The following KCNK1 variants were observed in gnomAD, a reference collection of about 807,000 sequenced individuals.
The protein encoded by KCNK1 is potassium two pore domain channel subfamily K member 1.
In KCNK1, 10 loss-of-function variants were observed where a neutral mutation model predicts 22.2. The observed-to-expected ratio is 0.45, with a 90% CI of 0.28 to 0.76. KCNK1 has a LOEUF of 0.76. KCNK1 is among the 30% of genes least tolerant of loss of function. KCNK1 has a pLI of 0.14. For synonymous variants in KCNK1, 200 were observed against 186.4 expected, an observed-to-expected ratio of 1.07 and a Z score of -0.60; for missense variants, 378 against 421.0, an observed-to-expected ratio of 0.90 and a Z score of 0.89.
At chr1:233,653,716 A>G (rs1353256292) in intron 1 of KCNK1, among the ~76,000 whole-genome samples, 1 of 152,066 alleles carries the variant, frequency 6.6e-6, no homozygotes, top group African/African-American at 2.4e-5. Flanking sequence ...CTTGGGCAGA[A>G]TGGTACCACC....
chr1:233,650,045 A>G (rs1382206627), intron 1 of KCNK1: 4 of 533,304 alleles, frequency 7.5e-6, no homozygotes, highest in Admixed American at 5.8e-5. Context: ...CTGAGAGTAC[A>G]CCAGGTGATG....
Position 233,666,716 on chromosome 1 carries a change from C to T in KCNK1, c.477C>T (p.His159=), listed in dbSNP as rs143943031. 13 of 1,613,980 alleles carry T rather than the reference C, an allele frequency of 8.1e-6. No homozygotes were observed. Among genetic ancestry groups the T allele is most frequent in the African/African-American group, 2.7e-5 (2 of 74,896 alleles). ...LTAVVQRITV[H]VTRRPVLYFH... ...CTGTGGTCCAGCGCATCACCGTGCA[C>T]GTCACCCGCAGGCCGGTCCTCTACT... Residue 159 remains histidine (H), a synonymous_variant, in exon 2 of 3, where the codon CAC becomes CAT. Coordinates refer to ENST00000366621, the MANE Select transcript of KCNK1 (RefSeq NM_002245.4).
intron 1 of KCNK1, among the ~76,000 whole-genome samples, chr1:233,622,032 T>C (rs545729674): frequency 1.3e-5 from 2 of 152,368 alleles, no homozygotes; most frequent in East Asian, 3.9e-4. Flanking sequence ...TCTCTTCTTT[T>C]ATGACATAAC....
At position 233,631,213 on chromosome 1, in the gene KCNK1, G is replaced by T. The variant is rs879098033; in HGVS notation, c.355+16687G>T. 3.7e-4 allele frequency: 191 copies of T among 515,734 alleles called. 2 individuals are homozygous for T. Among genetic ancestry groups the T allele is most frequent in the South Asian group, 2.7e-3 (183 of 68,296 alleles). The allele number at this position is 515,734 out of a possible 1,614,324, so 31.9% of individuals were successfully genotyped here. On this transcript the variant is annotated intron_variant, in intron 1 of 2. Transcript: ENST00000366621. The stretch of plus-strand genomic sequence containing the variant: ...GTGGTAACTGCTAACTCAAATAGGC[G>T]TGATGGTGACCGATTATCATTGTGT...
chr1:233,659,846 CACAA>C (rs1558118664), intron 1 of KCNK1, among the ~76,000 whole-genome samples: 1 of 152,130 alleles, frequency 6.6e-6, no homozygotes, highest in African/African-American at 2.4e-5. Context: ...ACACAATAAA[CACAA>C]ACAAACATGA....
At chr1:233,660,760 G>A (rs949808186) in intron 1 of KCNK1, 2 of 152,242 alleles carry the variant, frequency 1.3e-5, no homozygotes, top group African/African-American at 4.8e-5. Context: ...TCAGCTTCAC[G>A]GAACCACAGG....
chr1:233,665,755 C>T (rs970338328), intron 1 of KCNK1, among the ~76,000 whole-genome samples: 1 of 152,216 alleles, frequency 6.6e-6, no homozygotes, highest in African/African-American at 2.4e-5. Context: ...GTTGAGATGG[C>T]CGTTTTGAGC....
chr1:233,630,967 C>T (rs1467427348), intron 1 of KCNK1, among the ~76,000 whole-genome samples: 1 of 152,138 alleles, frequency 6.6e-6, no homozygotes, highest in East Asian at 1.9e-4. Context: ...AGTGAGAGCA[C>T]CATAGAAACT....
intron 1 of KCNK1, among the ~76,000 whole-genome samples, chr1:233,662,540 A>G (rs1471432299): frequency 4.6e-5 from 7 of 152,234 alleles, no homozygotes; most frequent in Non-Finnish European, 8.8e-5. Context: ...ATTAAGGAGC[A>G]TTTAAATACC....
intron 1 of KCNK1, among the ~76,000 whole-genome samples, chr1:233,649,390 T>C (rs1658159127): frequency 6.6e-6 from 1 of 152,232 alleles, no homozygotes; most frequent in Non-Finnish European, 1.5e-5. Flanking sequence ...GTAGATGGAC[T>C]GGAGATATTT....
At position 233,662,208 on chromosome 1, in the gene KCNK1, G is replaced by A. The variant is rs181370050; in HGVS notation, c.356-4387G>A. On this transcript the variant is annotated intron_variant, in intron 1 of 2. Coordinates refer to ENST00000366621, the MANE Select transcript of KCNK1 (RefSeq NM_002245.4). ...GTGGAGAGGCTGAGGTTCTTCTTTC[G>A]TAGCTGCTGCTGCTGCTTCTTCTTC... Among the ~76,000 whole-genome samples the A allele has an allele frequency of 1.3e-4, 19 of 151,520 alleles. No individual in the cohort carries two copies. In the East Asian group the frequency reaches 2.0e-3, roughly 16 times the overall value.
At chr1:233,624,086 T>G (rs999456041) in intron 1 of KCNK1, 1 of 153,920 alleles carries the variant, frequency 6.5e-6, no homozygotes, top group African/African-American at 2.4e-5. Flanking sequence ...TGTGGGGGGC[T>G]CTGTGACCTG....
intron 1 of KCNK1, among the ~76,000 whole-genome samples, chr1:233,615,472 T>C (rs1352403562): frequency 6.6e-6 from 1 of 152,104 alleles, no homozygotes; most frequent in Non-Finnish European, 1.5e-5. Context: ...ATACCCAGAG[T>C]GGAGATATCA....
At chr1:233,638,303 G>A (rs965779949) in intron 1 of KCNK1, among the ~76,000 whole-genome samples, 1 of 150,660 alleles carries the variant, frequency 6.6e-6, no homozygotes, top group East Asian at 1.9e-4. Context: ...GGTTTTATCA[G>A]GAAAAAAATA....
intron 2 of KCNK1, among the ~76,000 whole-genome samples, chr1:233,669,183 G>C (rs1375565857): frequency 6.6e-6 from 1 of 152,100 alleles, no homozygotes; most frequent in African/African-American, 2.4e-5. Context: ...CATATTATAG[G>C]TGATTGTTTT....
Position 233,614,385 on chromosome 1 carries a change from G to A in KCNK1, c.214G>A (p.Glu72Lys), listed in dbSNP as rs1657444352. 1.2e-6 allele frequency: 2 copies of A among 1,611,278 alleles called. No individual in the cohort carries two copies. The highest frequency in any genetic ancestry group is 1.7e-6 in the Non-Finnish European group (2 of 1,178,856). Residue 72 changes from glutamate to lysine, a missense_variant, in exon 1 of 3, where the codon GAG (glutamate) becomes AAG (lysine). Physicochemically the swap from Glu to Lys is moderately conservative, Grantham distance 56. Coordinates refer to ENST00000366621, the MANE Select transcript of KCNK1 (RefSeq NM_002245.4). ...RFLEEHECLS[E>K]QQLEQFLGRV... ...CTTGGAGGAGCACGAGTGCCTGTCT[G>A]AGCAGCAGCTGGAGCAGTTCCTGGG...
chr1:233,664,734 C>G (rs986445675), intron 1 of KCNK1, among the ~76,000 whole-genome samples: 20 of 152,164 alleles, frequency 1.3e-4, no homozygotes, highest in African/African-American at 3.6e-4. Context: ...TTTTAATAAC[C>G]ACACACACTT....
chr1:233,648,769 G>C (rs775653316), intron 1 of KCNK1, among the ~76,000 whole-genome samples: 7 of 152,106 alleles, frequency 4.6e-5, no homozygotes, highest in Non-Finnish European at 8.8e-5. Context: ...GTTTCACCAT[G>C]TTGGCCAGGC....
chr1:233,616,982 G>A (rs1357984598), intron 1 of KCNK1, among the ~76,000 whole-genome samples: 3 of 152,024 alleles, frequency 2.0e-5, no homozygotes, highest in East Asian at 1.9e-4. Flanking sequence ...CTGGAAAAGC[G>A]CCAACCAAAT....
Sources: allele counts gnomAD v4.1 joint callset (sites outside exome capture counted in the v4.1 genomes callset), GRCh38; gene constraint gnomAD v4.1.1; transcripts MANE v1.5; gene names NCBI Gene and HGNC (gene_info 2026-07-23, HGNC 2026-07-21).